The following MYOM1 variants were observed in gnomAD, a reference collection of about 807,000 sequenced individuals.
MYOM1 encodes myomesin 1.
Under a neutral mutation model 205.3 loss-of-function variants are expected in MYOM1, and 164 were observed. The ratio of observed to expected loss-of-function variants is 0.80; its 90% CI spans 0.70 to 0.91. The LOEUF is 0.91. MYOM1 is among the 40% of genes least tolerant of loss of function. The pLI, the probability that MYOM1 is intolerant of heterozygous loss-of-function variation, is 0.00. For missense variants in MYOM1, 2,011 were observed against 2,127.3 expected (o/e 0.95, Z 1.08); for synonymous variants, 772 against 789.4 (o/e 0.98, Z 0.37).
chr18:3,114,242 G>C (rs916326693), intron 21 of MYOM1, among the ~76,000 whole-genome samples: 2 of 152,222 alleles, frequency 1.3e-5, no homozygotes, highest in Non-Finnish European at 2.9e-5. Context: ...TGTACAGGAA[G>C]TCTGTTCATA....
chr18:3,208,758 C>G (rs2081156876), intron 2 of MYOM1, among the ~76,000 whole-genome samples: 1 of 151,968 alleles, frequency 6.6e-6, no homozygotes, highest in Non-Finnish European at 1.5e-5. Flanking sequence ...AGAGAAGAAG[C>G]AATAAAATCG....
intron 10 of MYOM1, among the ~76,000 whole-genome samples, 197 bp from the exon 11 acceptor site, chr18:3,155,285 G>GA (rs1567938729): frequency 6.6e-6 from 1 of 152,126 alleles, no homozygotes; most frequent in Admixed American, 6.5e-5. Context: ...GCAGAGGTGG[G>GA]ATCTCAGCTC....
At chr18:3,079,864 A>G (rs968885523) in intron 33 of MYOM1, among the ~76,000 whole-genome samples, 2 of 152,224 alleles carry the variant, frequency 1.3e-5, no homozygotes, top group African/African-American at 4.8e-5. Flanking sequence ...AGTAGAGCCA[A>G]GAGTGAATGA....
At chr18:3,085,244 T>TGC (rs2079138637) in intron 30 of MYOM1, 112 bp from the exon 31 acceptor site, 2 of 17,296 alleles carry the variant, frequency 1.2e-4, no homozygotes, top group Admixed American at 1.7e-3. Flanking sequence ...TTTTTTTTTT[T>TGC]TTTTTTTTTT....
intron 28 of MYOM1, 143 bp downstream of exon 28, chr18:3,089,394 A>G: frequency 2.5e-6 from 2 of 787,992 alleles, no homozygotes; most frequent in South Asian, 2.2e-5. Flanking sequence ...CATATTTAAC[A>G]GTAAATATTT....
chr18:3,086,938 A>G (rs2079161870), intron 29 of MYOM1, among the ~76,000 whole-genome samples: 1 of 152,222 alleles, frequency 6.6e-6, no homozygotes, highest in Non-Finnish European at 1.5e-5. Flanking sequence ...TAAAACCAAC[A>G]GACAAAGACA....
chr18:3,206,125 G>A (rs533139396), intron 2 of MYOM1, among the ~76,000 whole-genome samples: 115 of 152,308 alleles, frequency 7.6e-4, no homozygotes, highest in African/African-American at 1.9e-3. Flanking sequence ...GGAATCCTTC[G>A]TGGAAGAGCT....
At chr18:3,089,382 T>C in intron 28 of MYOM1, 141 bp from the exon 29 acceptor site, 1 of 800,762 alleles carries the variant, frequency 1.2e-6, no homozygotes, top group Non-Finnish European at 1.9e-6. Flanking sequence ...TTTTAATGTC[T>C]ACATATTTAA....
intron 17 of MYOM1, among the ~76,000 whole-genome samples, 175 bp downstream of exon 17, chr18:3,131,200 T>TA (rs2079870798): frequency 6.6e-6 from 1 of 152,200 alleles, no homozygotes; most frequent in Non-Finnish European, 1.5e-5. Flanking sequence ...TGAAGGTCTG[T>TA]AAAATGGCAG....
chr18:3,138,540 GT>G (rs1168885385), intron 14 of MYOM1, among the ~76,000 whole-genome samples: 1 of 152,162 alleles, frequency 6.6e-6, no homozygotes, highest in Non-Finnish European at 1.5e-5. Flanking sequence ...TCCTTGCAGT[GT>G]TTTTTATGAT....
At chr18:3,162,918 C>T (rs965475294) in intron 10 of MYOM1, among the ~76,000 whole-genome samples, 4 of 151,728 alleles carry the variant, frequency 2.6e-5, no homozygotes, top group East Asian at 1.9e-4. Flanking sequence ...CCCAGCTACT[C>T]GGGAGGCTGA....
rs530070820 is a variant in MYOM1 at position 3,197,677 on chromosome 18, T to C, written c.291-3719A>G. ...TCACGAGGTCAGGAGATCGAGACCA[T>C]CCTAGCTAACATGGTGAAACCCCGT... is the stretch of plus-strand genomic sequence containing the variant. On this transcript the variant is annotated intron_variant, in intron 2 of 37. Coordinates refer to ENST00000356443, the MANE Select transcript of MYOM1 (RefSeq NM_003803.4). Among the ~76,000 whole-genome samples, 17 of 151,680 alleles carry C rather than the reference T, an allele frequency of 1.1e-4. No homozygotes were observed. The South Asian group carries it at 1.9e-3, about 17-fold the overall frequency.
chr18:3,090,892 C>T, intron 26 of MYOM1, 90 bp from the exon 27 acceptor site: 1 of 1,521,464 alleles, frequency 6.6e-7, no homozygotes. Flanking sequence ...AAAATAAACC[C>T]CAAAGGCTAG....
intron 10 of MYOM1, among the ~76,000 whole-genome samples, chr18:3,159,728 T>TA (rs984363586): frequency 1.2e-4 from 19 of 152,026 alleles, no homozygotes; most frequent in African/African-American, 3.6e-4. Context: ...AAGGCCGACA[T>TA]AAAAAACCAT....
At chr18:3,079,404 GTC>G in intron 33 of MYOM1, 62 bp from the exon 34 acceptor site, 1 of 1,493,992 alleles carries the variant, frequency 6.7e-7, no homozygotes, top group Middle Eastern at 1.8e-4. Context: ...TCTTTACTTT[GTC>G]TCTCATTGAA....
At chr18:3,155,507 A>G (rs955939556) in intron 10 of MYOM1, among the ~76,000 whole-genome samples, 3 of 152,220 alleles carry the variant, frequency 2.0e-5, no homozygotes, top group Non-Finnish European at 4.4e-5. Context: ...TACAGGCGTG[A>G]GCCATCACAC....
chr18:3,241,869 T>G, the MYOM1 span, among the ~76,000 whole-genome samples: 1 of 152,204 alleles, frequency 6.6e-6, no homozygotes, highest in African/African-American at 2.4e-5. Flanking sequence ...ATGTGAGACA[T>G]GGAGTCAAAG....
intron 2 of MYOM1, among the ~76,000 whole-genome samples, chr18:3,194,438 G>A (rs1328646640): frequency 6.6e-6 from 1 of 152,194 alleles, no homozygotes; most frequent in Non-Finnish European, 1.5e-5. Context: ...TCCTGCCTTT[G>A]AAGGGACGTG....
chr18:3,213,868 A>G (rs1173648177), intron 2 of MYOM1, among the ~76,000 whole-genome samples: 1 of 152,230 alleles, frequency 6.6e-6, no homozygotes, highest in Non-Finnish European at 1.5e-5. Context: ...GGGATGCAAC[A>G]GTCCACATTT....
Sources: allele counts gnomAD v4.1 joint callset (sites outside exome capture counted in the v4.1 genomes callset), GRCh38; gene constraint gnomAD v4.1.1; transcripts MANE v1.5; gene names NCBI Gene and HGNC (gene_info 2026-07-23, HGNC 2026-07-21).